IL15: variants seen among roughly 807,000 people sequenced by gnomAD.
IL15 encodes the protein interleukin-15.
In IL15, 11 loss-of-function variants were observed where a neutral mutation model predicts 19.6. That is an observed-to-expected ratio of 0.56 (90% CI 0.35 to 0.93). IL15 has a LOEUF of 0.93. IL15 is among the 40% of genes least tolerant of loss of function. The pLI, the probability that IL15 is intolerant of heterozygous loss-of-function variation, is 0.01. For missense variants in IL15, 197 were observed against 186.5 expected, an observed-to-expected ratio of 1.06 and a Z score of -0.33; for synonymous variants, 58 against 59.6, an observed-to-expected ratio of 0.97 and a Z score of 0.12.
At chr4:141,684,648 C>G (rs1042878606) in intron 2 of IL15, among the ~76,000 whole-genome samples, 2 of 152,204 alleles carry the variant, frequency 1.3e-5, no homozygotes, top group African/African-American at 4.8e-5. Flanking sequence ...TCTATATTAG[C>G]TTGGAATATC....
intron 2 of IL15, among the ~76,000 whole-genome samples, chr4:141,679,380 A>G (rs1728461768): frequency 6.6e-6 from 1 of 152,246 alleles, no homozygotes; most frequent in African/African-American, 2.4e-5. Context: ...AACATTTTAC[A>G]GGTGAATATG....
At chr4:141,667,330 G>A (rs1380139174) in intron 2 of IL15, among the ~76,000 whole-genome samples, 2 of 152,136 alleles carry the variant, frequency 1.3e-5, no homozygotes, top group African/African-American at 2.4e-5. Context: ...GGGCTTGTGG[G>A]AACTGAGCCT....
intron 2 of IL15, among the ~76,000 whole-genome samples, chr4:141,712,828 A>G (rs1729754624): frequency 6.6e-6 from 1 of 151,656 alleles, no homozygotes; most frequent in South Asian, 2.1e-4. Context: ...ATTTCAATAT[A>G]ATTAACCAAT....
intron 2 of IL15, among the ~76,000 whole-genome samples, chr4:141,662,447 C>G (rs895423721): frequency 2.2e-4 from 33 of 152,210 alleles, no homozygotes; most frequent in Non-Finnish European, 1.5e-5. Context: ...AATAAGGCTA[C>G]CTGCGTTAAA....
chr4:141,720,409 T>C lies in IL15; in HGVS notation c.13-60T>C. 4.7e-6 allele frequency: 4 copies of C among 859,046 alleles called. No homozygotes were observed. In the South Asian group the frequency reaches 5.7e-5, roughly 12 times the overall value. The allele number at this position is 859,046 out of a possible 1,614,324, so 53.2% of individuals were successfully genotyped here. A position where few individuals can be genotyped will look rare whatever the true frequency, so the allele number is the denominator to read the frequency against. ...GACCTAAAAATATGTTGACATGTTA[T>C]TTTAAACCTCACTTTTTAACTAAAA... is the stretch of plus-strand genomic sequence containing the variant. On this transcript the variant is annotated intron_variant, in intron 3 of 7. Coordinates refer to ENST00000320650, the MANE Select transcript of IL15 (RefSeq NM_000585.5).
At position 141,728,983 on chromosome 4, in the gene IL15, C is replaced by T. The variant is rs187028771; in HGVS notation, c.241-864C>T. On this transcript the variant is annotated intron_variant, in intron 6 of 7. Coordinates refer to ENST00000320650, the MANE Select transcript of IL15 (RefSeq NM_000585.5). ...GAAGTTTAGATTTTAAAACTGACTCCACCACTTTTTACTTGTGTTACCTTG... is the reference window on the plus strand; with the variant it reads ...GAAGTTTAGATTTTAAAACTGACTCTACCACTTTTTACTTGTGTTACCTTG... Among the ~76,000 whole-genome samples, 4 of 152,172 alleles carry T rather than the reference C, an allele frequency of 2.6e-5. No homozygotes were observed. In the East Asian group the frequency reaches 7.7e-4, roughly 29 times the overall value.
chr4:141,659,696 A>T (rs1400616217), intron 2 of IL15, among the ~76,000 whole-genome samples: 1 of 152,250 alleles, frequency 6.6e-6, no homozygotes, highest in Non-Finnish European at 1.5e-5. Context: ...ATTCTGATCA[A>T]TTCTGTGGCA....
intron 2 of IL15, among the ~76,000 whole-genome samples, chr4:141,669,854 A>T (rs1728111371): frequency 6.6e-6 from 1 of 151,800 alleles, no homozygotes; most frequent in African/African-American, 2.4e-5. Context: ...CTGCAATCTA[A>T]CTTGGCTCAT....
chr4:141,719,388 G>C lies in IL15; in HGVS notation c.-77G>C. 1 of 733,492 alleles carries C rather than the reference G, an allele frequency of 1.4e-6. No homozygotes were observed. 45.4% of individuals were successfully genotyped at this position (733,492 alleles called of 1,614,324 possible). ...TAGATTGTATTGTAGGAGGCATTGT[G>C]GATGGATGGCTGCTGGAAACCCCTT... On this transcript the variant is annotated 5_prime_UTR_variant, in exon 3 of 8. Coordinates refer to ENST00000320650, the MANE Select transcript of IL15 (RefSeq NM_000585.5).
intron 3 of IL15, among the ~76,000 whole-genome samples, chr4:141,719,880 G>A (rs1730016510): frequency 6.6e-6 from 1 of 152,014 alleles, no homozygotes; most frequent in Non-Finnish European, 1.5e-5. Flanking sequence ...AAAAGAGGCA[G>A]GTGAAAGTAC....
intron 2 of IL15, among the ~76,000 whole-genome samples, chr4:141,695,461 T>C (rs2152179319): frequency 6.6e-6 from 1 of 152,198 alleles, no homozygotes; most frequent in African/African-American, 2.4e-5. Context: ...TATCACATTG[T>C]ATTTATCCAT....
At chr4:141,675,774 A>T (rs911113202) in intron 2 of IL15, among the ~76,000 whole-genome samples, 1 of 152,224 alleles carries the variant, frequency 6.6e-6, no homozygotes, top group African/African-American at 2.4e-5. Context: ...GAAATTTCTG[A>T]AGCTGTAGCT....
rs188675627 is a variant in IL15 at position 141,693,746 on chromosome 4, T to C, written c.-99-25620T>C. 5.8e-4 allele frequency among the ~76,000 whole-genome samples: 88 copies of C among 152,294 alleles called. 1 individual carries two copies. Among genetic ancestry groups the C allele is most frequent in the Admixed American group, 3.6e-3 (55 of 15,298 alleles). ...ATAAATAAGACAATTTCATTAGTCA[T>C]TTGAAACAAAAAAAATTAGTGAGCC... On this transcript the variant is annotated intron_variant, in intron 2 of 7. Coordinates refer to ENST00000320650, the MANE Select transcript of IL15 (RefSeq NM_000585.5).
At position 141,726,276 on chromosome 4, in the gene IL15, A is replaced by G. The variant is rs930923313; in HGVS notation, c.196-1664A>G. Among the ~76,000 whole-genome samples, 5 of 152,182 alleles carry G rather than the reference A, an allele frequency of 3.3e-5. No individual in the cohort carries two copies. In the East Asian group the frequency reaches 5.8e-4, roughly 18 times the overall value. ...AAAAGGCACACAGATTGGAAAGGAA[A>G]ATTATACATCACCCCAAGTTTTTTG... On this transcript the variant is annotated intron_variant, in intron 5 of 7. Transcript: ENST00000320650.
chr4:141,728,625 C>G (rs1183752121), intron 6 of IL15, among the ~76,000 whole-genome samples: 7 of 152,086 alleles, frequency 4.6e-5, no homozygotes, highest in Non-Finnish European at 7.4e-5. Flanking sequence ...CCCAACTTCA[C>G]GTCAGGGAAA....
chr4:141,651,164 T>C (rs1270419095), intron 1 of IL15, among the ~76,000 whole-genome samples: 4 of 151,092 alleles, frequency 2.6e-5, no homozygotes, highest in African/African-American at 9.7e-5. Flanking sequence ...ATACACACCA[T>C]ATATATATAT....
At chr4:141,669,099 T>C (rs1362661799) in intron 2 of IL15, among the ~76,000 whole-genome samples, 1 of 152,218 alleles carries the variant, frequency 6.6e-6, no homozygotes, top group Non-Finnish European at 1.5e-5. Flanking sequence ...TTTAAAATGA[T>C]GACAAAATAG....
chr4:141,652,586 T>C (rs1727446674), intron 1 of IL15, among the ~76,000 whole-genome samples: 1 of 152,142 alleles, frequency 6.6e-6, no homozygotes, highest in Non-Finnish European at 1.5e-5. Context: ...AGAGATCCAA[T>C]GCTCAGGCTA....
At chr4:141,732,466 A>G (rs1019802651) in intron 7 of IL15, among the ~76,000 whole-genome samples, 3 of 152,160 alleles carry the variant, frequency 2.0e-5, no homozygotes, top group African/African-American at 7.2e-5. Context: ...ATGATAGGAA[A>G]CCATTGAAGG....
Sources: allele counts gnomAD v4.1 joint callset (sites outside exome capture counted in the v4.1 genomes callset), GRCh38; gene constraint gnomAD v4.1.1; transcripts MANE v1.5; gene names NCBI Gene and HGNC (gene_info 2026-07-23, HGNC 2026-07-21).